The following STPG2 variants were observed in gnomAD, a reference collection of about 807,000 sequenced individuals.
STPG2 encodes sperm-tail PG-rich repeat-containing protein 2.
Under a neutral mutation model 54.2 loss-of-function variants are expected in STPG2, and 56 were observed. That is an observed-to-expected ratio of 1.03 (90% CI 0.83 to 1.29). The LOEUF (loss-of-function observed/expected upper bound fraction) is 1.29. Ranked by LOEUF, STPG2 falls within the 50% of genes most tolerant of loss-of-function variation. STPG2 has a pLI of 0.00. For missense variants in STPG2, 596 were observed against 544.9 expected, an observed-to-expected ratio of 1.09 and a Z score of -0.93; for synonymous variants, 200 against 181.8, an observed-to-expected ratio of 1.10 and a Z score of -0.81.
chr4:97,565,050 T>C (rs1732387776), intron 10 of STPG2, among the ~76,000 whole-genome samples: 1 of 152,166 alleles, frequency 6.6e-6, no homozygotes, highest in African/African-American at 2.4e-5. Flanking sequence ...GTTCCATTCT[T>C]CCCTTCACTT....
chr4:97,744,845 G>C (rs541099707), intron 9 of STPG2, among the ~76,000 whole-genome samples: 1 of 151,530 alleles, frequency 6.6e-6, no homozygotes, highest in African/African-American at 2.4e-5. Context: ...GAAAGTGAAA[G>C]AGTGGTTAAG....
chr4:97,806,389 T>C (rs1042353013), intron 9 of STPG2, among the ~76,000 whole-genome samples: 1 of 151,966 alleles, frequency 6.6e-6, no homozygotes, highest in Admixed American at 6.6e-5. Flanking sequence ...GGCACAAGGA[T>C]TGAAAAACAA....
intron 10 of STPG2, among the ~76,000 whole-genome samples, chr4:97,685,820 T>C (rs1226588771): frequency 6.6e-6 from 1 of 152,204 alleles, no homozygotes. Flanking sequence ...CAGCAAAATA[T>C]TTCTGTAAAC....
intron 3 of STPG2, among the ~76,000 whole-genome samples, chr4:98,122,525 C>A (rs1283316136): frequency 2.0e-5 from 3 of 151,432 alleles, no homozygotes; most frequent in Non-Finnish European, 4.4e-5. Flanking sequence ...GTTGAACCAA[C>A]CTTGCAACTT....
In STPG2 at chr4:97,553,639, A is replaced by G. The variant is rs72889077; in HGVS notation, c.462+159060T>C. ...ACTGGATGCCACCTAACTGGGGTCAAATTTACTCTGCTTCTCAAGATCTGC... is the reference window on the plus strand; with the variant it reads ...ACTGGATGCCACCTAACTGGGGTCAGATTTACTCTGCTTCTCAAGATCTGC... On this transcript the variant is annotated intron_variant, in intron 4 of 4. Transcript: ENST00000522676. Among the ~76,000 whole-genome samples the G allele has an allele frequency of 2.9e-3, 439 of 152,310 alleles. 2 individuals carry two copies. Among genetic ancestry groups the G allele is most frequent in the African/African-American group, 0.01 (424 of 41,574 alleles).
At chr4:97,789,795 A>C (rs1726935661) in intron 9 of STPG2, among the ~76,000 whole-genome samples, 1 of 152,158 alleles carries the variant, frequency 6.6e-6, no homozygotes, top group Non-Finnish European at 1.5e-5. Context: ...ACGTCAGCCA[A>C]CTTACTGTAC....
At chr4:97,447,536 G>T (rs1237414063) in intron 4 of STPG2, among the ~76,000 whole-genome samples, 1 of 152,176 alleles carries the variant, frequency 6.6e-6, no homozygotes, top group African/African-American at 2.4e-5. Flanking sequence ...AGTATATGGT[G>T]TCCTATGACC....
At chr4:97,708,356 TA>T (rs941681190) in intron 10 of STPG2, among the ~76,000 whole-genome samples, 39 of 151,994 alleles carry the variant, frequency 2.6e-4, no homozygotes, top group African/African-American at 8.9e-4. Flanking sequence ...AAATAATTTC[TA>T]AAAAAATTAC....
intron 9 of STPG2, among the ~76,000 whole-genome samples, chr4:97,722,184 A>G (rs72879511): frequency 0.011 from 1,738 of 152,112 alleles, 36 homozygotes; most frequent in African/African-American, 0.04. Context: ...GATTAGTATG[A>G]GAAAAGACTT....
In STPG2 at chr4:97,500,532, C is replaced by T. The variant is rs192670074; in HGVS notation, c.462+212167G>A. ...TATGGATAGCATTGAAAGCTCTCAC[C>T]AAGGTTGTGAGAAATAGAAAAGAGG... is the stretch of plus-strand genomic sequence containing the variant. On this transcript the variant is annotated intron_variant, in intron 4 of 4. Transcript: ENST00000522676. Among the ~76,000 whole-genome samples, 643 of 151,956 alleles carry T rather than the reference C, an allele frequency of 4.2e-3. 3 individuals carry two copies. Among genetic ancestry groups the T allele is most frequent in the South Asian group, 0.02 (98 of 4,816 alleles).
chr4:98,086,948 A>G (rs989542086), intron 5 of STPG2, among the ~76,000 whole-genome samples: 3 of 152,190 alleles, frequency 2.0e-5, no homozygotes, highest in African/African-American at 7.2e-5. Flanking sequence ...TTTTTTTGCA[A>G]ATTACAAAAT....
chr4:97,708,623 T>G (rs1724022253), intron 10 of STPG2, among the ~76,000 whole-genome samples: 1 of 151,940 alleles, frequency 6.6e-6, no homozygotes, highest in Non-Finnish European at 1.5e-5. Flanking sequence ...TGAAAACTTT[T>G]TAAAGATCTC....
chr4:97,932,716 A>C (rs959364913), intron 8 of STPG2, among the ~76,000 whole-genome samples: 1 of 152,236 alleles, frequency 6.6e-6, no homozygotes, highest in South Asian at 2.1e-4. Flanking sequence ...TTATGACTGC[A>C]TAGTATTCCA....
intron 9 of STPG2, among the ~76,000 whole-genome samples, chr4:97,822,038 T>C (rs879416730): frequency 2.0e-5 from 3 of 152,212 alleles, no homozygotes; most frequent in Admixed American, 2.0e-4. Context: ...GCTTTTTCTT[T>C]CTCTGCTACA....
chr4:98,085,614 T>C (rs1389689988), intron 5 of STPG2, among the ~76,000 whole-genome samples: 1 of 152,108 alleles, frequency 6.6e-6, no homozygotes, highest in East Asian at 1.9e-4. Flanking sequence ...CATAATTTGA[T>C]AAATGTATTC....
At chr4:98,071,419 A>C (rs1431139439) in intron 5 of STPG2, among the ~76,000 whole-genome samples, 1 of 152,030 alleles carries the variant, frequency 6.6e-6, no homozygotes, top group Admixed American at 6.6e-5. Flanking sequence ...AAATTAACTC[A>C]AGATGGATTA....
At chr4:97,977,924 A>G (rs1262057867) in intron 6 of STPG2, among the ~76,000 whole-genome samples, 1 of 152,220 alleles carries the variant, frequency 6.6e-6, no homozygotes, top group Non-Finnish European at 1.5e-5. Context: ...TTATTAGAGC[A>G]TGGAGAAATG....
intron 7 of STPG2, among the ~76,000 whole-genome samples, chr4:97,944,773 C>T (rs770269254): frequency 1.3e-5 from 2 of 152,006 alleles, no homozygotes; most frequent in Admixed American, 6.6e-5. Context: ...TTTTTGGTAA[C>T]ATTAATTTAC....
intron 5 of STPG2, among the ~76,000 whole-genome samples, chr4:98,068,328 T>C (rs1360850133): frequency 6.6e-6 from 1 of 152,182 alleles, no homozygotes; most frequent in Non-Finnish European, 1.5e-5. Flanking sequence ...TATCCCTTCT[T>C]AGCATTTGTT....
Sources: gnomAD v4.1 joint callset for allele counts (sites outside exome capture counted in the v4.1 genomes callset) on GRCh38, gnomAD v4.1.1 for gene constraint, MANE v1.5 for transcripts, NCBI Gene and HGNC (gene_info 2026-07-23, HGNC 2026-07-21) for gene names.